STX5: variants seen among roughly 807,000 people sequenced by gnomAD.
STX5 encodes syntaxin-5.
Under a neutral mutation model 42.9 loss-of-function variants are expected in STX5, and 15 were observed. The observed-to-expected ratio is 0.35, with a 90% CI of 0.23 to 0.54. The LOEUF is 0.54. Among genes scored for constraint, STX5 ranks in the 20% least tolerant of loss-of-function variants. STX5 has a pLI of 0.91. For missense variants in STX5, 430 were observed against 455.0 expected, an observed-to-expected ratio of 0.95 and a Z score of 0.50; for synonymous variants, 184 against 173.2, an observed-to-expected ratio of 1.06 and a Z score of -0.49.
chr11:62,817,034 G>A (rs868785896), intron 10 of STX5, among the ~76,000 whole-genome samples: 5 of 151,434 alleles, frequency 3.3e-5, no homozygotes, highest in African/African-American at 4.8e-5. Context: ...GCGGGATCTC[G>A]GCTCACTGCA....
chr11:62,811,721 C>T (rs568144491), intron 10 of STX5, among the ~76,000 whole-genome samples: 2 of 151,662 alleles, frequency 1.3e-5, no homozygotes, highest in African/African-American at 4.8e-5. Context: ...GAACTGCTGG[C>T]CTCAAGTAAT....
intron 5 of STX5, among the ~76,000 whole-genome samples, chr11:62,826,040 GT>G (rs1312828796): frequency 5.7e-4 from 87 of 152,296 alleles, no homozygotes; most frequent in Non-Finnish European, 3.7e-4. Context: ...AGATCATGAG[GT>G]CAAGAGATTG....
chr11:62,815,534 G>T (rs1282090996), intron 10 of STX5, among the ~76,000 whole-genome samples: 1 of 143,694 alleles, frequency 7.0e-6, no homozygotes, highest in Non-Finnish European at 1.5e-5. Context: ...TAACGGCGTG[G>T]TTTTTTTTTT....
chr11:62,816,888 T>C (rs1483142946), intron 10 of STX5, among the ~76,000 whole-genome samples: 3 of 151,020 alleles, frequency 2.0e-5, no homozygotes, highest in African/African-American at 7.3e-5. Context: ...AGCAAGACTC[T>C]GTCTCAAAAA....
Position 62,807,112 on chromosome 11 carries a change from C to T in STX5, c.*357G>A, listed in dbSNP as rs1031767515. The T allele has an allele frequency of 5.6e-6, 1 of 179,246 alleles. No homozygotes were observed. The highest frequency in any genetic ancestry group is 2.4e-5 in the African/African-American group (1 of 42,542). The allele number at this position is 179,246 out of a possible 1,614,324, so 11.1% of individuals were successfully genotyped here. A position where few individuals can be genotyped will look rare whatever the true frequency, so the allele number is the denominator to read the frequency against. On this transcript the variant is annotated 3_prime_UTR_variant, in exon 11 of 11. Transcript: ENST00000294179. The stretch of plus-strand genomic sequence containing the variant: ...CTCACAGGAAGGTGGGTAAGGGCAT[C>T]ATCTCCCTTTGCTGCCAACGCTTCC...
chr11:62,818,109 G>C (rs967100661), intron 10 of STX5, among the ~76,000 whole-genome samples: 2 of 152,090 alleles, frequency 1.3e-5, no homozygotes, highest in African/African-American at 4.8e-5. Flanking sequence ...GCCAGGCGTG[G>C]TGGCGGGCAC....
chr11:62,815,412 TCA>T (rs1261988527), intron 10 of STX5, among the ~76,000 whole-genome samples: 9 of 152,244 alleles, frequency 5.9e-5, no homozygotes, highest in South Asian at 2.1e-4. Flanking sequence ...TCATTAATTT[TCA>T]CAGACATAAC....
rs777650318 is a variant in STX5 at position 62,825,002 on chromosome 11, C to T, written c.679+34G>A. The T allele has an allele frequency of 3.3e-5, 53 of 1,608,504 alleles. 1 individual carries two copies. The South Asian group carries it at 5.7e-4, about 17-fold the overall frequency. On this transcript the variant is annotated intron_variant, in intron 8 of 10. Transcript: ENST00000294179. ...ATCACAACCAGAGTAAGTAACCTTA[C>T]CTCCCAGGGCTCCCCGTTTTACCTG...
At chr11:62,816,698 A>G (rs982032247) in intron 10 of STX5, among the ~76,000 whole-genome samples, 6 of 150,428 alleles carry the variant, frequency 4.0e-5, no homozygotes, top group Admixed American at 3.3e-4. Context: ...CACCCTGGCT[A>G]ACATGGTGAA....
intron 2 of STX5, chr11:62,830,464 T>C (rs775989438): frequency 2.2e-6 from 1 of 450,240 alleles, no homozygotes; most frequent in African/African-American, 2.0e-5. Context: ...AGAGGATCCC[T>C]TGAGTCTAGG....
At chr11:62,810,103 CA>C (rs11405544) in intron 10 of STX5, among the ~76,000 whole-genome samples, 9,097 of 97,454 alleles carry the variant, frequency 0.093, 952 homozygotes, top group African/African-American at 0.33. Flanking sequence ...GACTCCATCT[CA>C]AAAAAAAAAA....
intron 10 of STX5, among the ~76,000 whole-genome samples, chr11:62,820,232 C>T (rs1009084990): frequency 1.7e-4 from 25 of 151,098 alleles, no homozygotes; most frequent in Admixed American, 1.3e-3. Context: ...ATTAGCCGGG[C>T]GTGGTGGCGG....
chr11:62,807,804 A>G, intron 10 of STX5, 176 bp from the exon 11 acceptor site: 1 of 1,191,670 alleles, frequency 8.4e-7, no homozygotes, highest in Non-Finnish European at 1.1e-6. Flanking sequence ...TGGTTTGAAA[A>G]CCAACTCTGC....
chr11:62,827,745 T>C, intron 2 of STX5, 114 bp from the exon 3 acceptor site: 1 of 1,087,818 alleles, frequency 9.2e-7, no homozygotes, highest in Non-Finnish European at 1.4e-6. Context: ...ATCCATCAGA[T>C]GATCTAGATT....
intron 10 of STX5, among the ~76,000 whole-genome samples, chr11:62,822,664 G>A (rs2084752359): frequency 6.9e-6 from 1 of 144,752 alleles, no homozygotes; most frequent in Admixed American, 6.9e-5. Context: ...AGTTTATCCT[G>A]TGTTGACTAT....
chr11:62,812,393 A>T (rs974006850), intron 10 of STX5, among the ~76,000 whole-genome samples: 2 of 151,736 alleles, frequency 1.3e-5, no homozygotes, highest in African/African-American at 4.8e-5. Flanking sequence ...ATCTTTTATA[A>T]TTCTGTTTCA....
intron 6 of STX5, 30 bp downstream of exon 6, chr11:62,825,393 T>A: frequency 6.2e-7 from 1 of 1,614,154 alleles, no homozygotes; most frequent in Non-Finnish European, 8.5e-7. Flanking sequence ...TCTTCCTCTT[T>A]GCCTCCCTCC....
chr11:62,809,164 T>C (rs1403646873), intron 10 of STX5, among the ~76,000 whole-genome samples: 1 of 151,526 alleles, frequency 6.6e-6, no homozygotes. Context: ...GGCGGGCACC[T>C]GTAGTCCCGG....
chr11:62,824,875 G>C (rs760515414), intron 8 of STX5, 161 bp downstream of exon 8: 18 of 674,258 alleles, frequency 2.7e-5, no homozygotes, highest in Non-Finnish European at 4.1e-5. Flanking sequence ...TCTAAATGTG[G>C]ATCACGAATC....
Sources: allele counts gnomAD v4.1 joint callset (sites outside exome capture counted in the v4.1 genomes callset), GRCh38; gene constraint gnomAD v4.1.1; transcripts MANE v1.5; gene names NCBI Gene and HGNC (gene_info 2026-07-23, HGNC 2026-07-21).